The following SMG6 variants were observed in gnomAD, a reference collection of about 807,000 sequenced individuals.
SMG6 encodes the protein telomerase-binding protein EST1A.
A neutral mutation model predicts 142.2 loss-of-function variants in SMG6; 66 were observed. The observed-to-expected ratio is 0.46, with a 90% CI of 0.38 to 0.57. The LOEUF (loss-of-function observed/expected upper bound fraction) is 0.57. Ranked by LOEUF, SMG6 falls within the 20% of genes least tolerant of loss-of-function variation. The pLI is 0.00. For synonymous variants in SMG6, 779 were observed against 702.4 expected (o/e 1.11, Z -1.72); for missense variants, 1,793 against 1,832.0 (o/e 0.98, Z 0.39).
intron 4 of SMG6, among the ~76,000 whole-genome samples, chr17:2,296,888 G>A (rs923495863): frequency 4.0e-5 from 6 of 151,898 alleles, no homozygotes; most frequent in Non-Finnish European, 7.4e-5. Flanking sequence ...CCAGCTACTC[G>A]GGAGACTGAC....
intron 1 of SMG6, 102 bp downstream of exon 1, chr17:2,303,531 C>CG (rs2075337479): frequency 2.2e-6 from 3 of 1,337,606 alleles, no homozygotes; most frequent in African/African-American, 3.1e-5. Flanking sequence ...GGGGAAGGGG[C>CG]GGGGGCTCCG....
At chr17:2,269,571 C>T (rs969749281) in intron 8 of SMG6, among the ~76,000 whole-genome samples, 2 of 152,048 alleles carry the variant, frequency 1.3e-5, no homozygotes, top group African/African-American at 2.4e-5. Context: ...TGCTCCTTTG[C>T]TAACCAACTT....
At position 2,081,816 on chromosome 17, in the gene SMG6, C is replaced by T; in HGVS notation, c.3675G>A (p.Lys1225=). The T allele has an allele frequency of 6.2e-7, 1 of 1,613,510 alleles. No homozygotes were observed. Among genetic ancestry groups the T allele is most frequent in the Non-Finnish European group, 8.5e-7 (1 of 1,180,040 alleles). ...CTCCCCAGGCCGACTTCACCTGGAT[C>T]TTTTCCTGGCGACGCTGCTGCTCAG... ...KIAEQQRRQE[K]IQAVLEDHSQ... The change falls in exon 15 of 19, where the codon AAG becomes AAA. Residue 1225 remains lysine (K), a synonymous_variant. Transcript: ENST00000263073.
At position 2,072,654 on chromosome 17, in the gene SMG6, A is replaced by G. The variant is rs2068136537; in HGVS notation, c.3682-3723T>C. Among the ~76,000 whole-genome samples the G allele has an allele frequency of 2.6e-5, 4 of 152,180 alleles. No individual in the cohort carries two copies. The South Asian group carries it at 8.3e-4, about 32-fold the overall frequency. On this transcript the variant is annotated intron_variant, in intron 15 of 18. Coordinates refer to ENST00000263073, the MANE Select transcript of SMG6 (RefSeq NM_017575.5). ...GAACATTACAAGTAACAGCAATTCA[A>G]TGAGCTGACACAGGAGGTGTGGCAC...
intron 10 of SMG6, chr17:2,229,438 G>T (rs1276928706): frequency 1.3e-5 from 2 of 152,234 alleles, no homozygotes; most frequent in East Asian, 3.8e-4. Context: ...GCTGCCCAGA[G>T]AAGCTTTTTC....
rs759609862 is a variant in SMG6 at position 2,297,357 on chromosome 17, T to C, written c.2041-4A>G. The C allele has an allele frequency of 1.3e-6, 2 of 1,591,884 alleles. No homozygotes were observed. Among genetic ancestry groups the C allele is most frequent in the Admixed American group, 1.8e-5 (1 of 54,540 alleles). ...AACTATCAAAGAAGTCACTACCCTA[T>C]AAAAAGAAAAAAAGAAATGACTGAA... On this transcript the variant is annotated splice_polypyrimidine_tract_variant and splice_region_variant and intron_variant, in intron 3 of 18. Transcript: ENST00000263073.
At chr17:2,148,745 A>G (rs544944286) in intron 13 of SMG6, among the ~76,000 whole-genome samples, 88 of 151,844 alleles carry the variant, frequency 5.8e-4, no homozygotes, top group Non-Finnish European at 1.1e-3. Context: ...TGTAATCCCA[A>G]CTACTTAGAA....
intron 13 of SMG6, among the ~76,000 whole-genome samples, chr17:2,170,102 G>A (rs779448574): frequency 2.0e-5 from 3 of 152,138 alleles, no homozygotes; most frequent in Non-Finnish European, 4.4e-5. Context: ...CCAGGTTGGC[G>A]GGCAGCGGGT....
intron 13 of SMG6, chr17:2,086,927 C>A (rs1317663629): frequency 1.8e-6 from 2 of 1,112,798 alleles, no homozygotes; most frequent in Admixed American, 2.8e-5. Flanking sequence ...GGGAAACACA[C>A]GTCCGTGGCC....
intron 15 of SMG6, among the ~76,000 whole-genome samples, chr17:2,077,390 G>C (rs1026339404): frequency 2.6e-5 from 4 of 152,190 alleles, no homozygotes; most frequent in South Asian, 4.1e-4. Context: ...GACCAGGGGG[G>C]GCTTCACTGG....
chr17:2,242,915 G>C (rs2073845493), intron 9 of SMG6, among the ~76,000 whole-genome samples: 1 of 152,014 alleles, frequency 6.6e-6, no homozygotes, highest in Non-Finnish European at 1.5e-5. Context: ...ATATTTCTCT[G>C]CAGTGCTTAG....
At chr17:2,153,330 A>G (rs951153980) in intron 13 of SMG6, among the ~76,000 whole-genome samples, 9 of 152,202 alleles carry the variant, frequency 5.9e-5, no homozygotes, top group African/African-American at 2.2e-4. Context: ...AAGCTAAGTT[A>G]CAGAGACAGA....
intron 6 of SMG6, among the ~76,000 whole-genome samples, chr17:2,287,708 A>AT (rs1416020180): frequency 9.2e-5 from 14 of 152,226 alleles, no homozygotes; most frequent in Admixed American, 6.5e-4. Flanking sequence ...AATGAAATGT[A>AT]ATTCACCCTC....
rs1232049410 is a variant in SMG6 at position 2,136,297 on chromosome 17, C to T, written c.3357+36361G>A. Among the ~76,000 whole-genome samples the T allele has an allele frequency of 2.0e-5, 3 of 151,874 alleles. No homozygotes were observed. The South Asian group carries it at 6.2e-4, about 32-fold the overall frequency. The stretch of plus-strand genomic sequence containing the variant: ...GCTGGTCTCGAACTCCTGACCTCAG[C>T]CTCCCAAAGTGCTGGGATTACAGGC... On this transcript the variant is annotated intron_variant, in intron 13 of 18. Transcript: ENST00000263073.
chr17:2,287,870 G>A (rs2074941816), intron 6 of SMG6, among the ~76,000 whole-genome samples: 1 of 152,188 alleles, frequency 6.6e-6, no homozygotes, highest in Non-Finnish European at 1.5e-5. Context: ...ACAGAAAGCA[G>A]AAGGTTAGTT....
intron 13 of SMG6, among the ~76,000 whole-genome samples, chr17:2,108,428 C>T (rs1358186289): frequency 6.6e-6 from 1 of 152,144 alleles, no homozygotes; most frequent in Non-Finnish European, 1.5e-5. Flanking sequence ...ACCAGCCTGG[C>T]CAACATAGTG....
At chr17:2,303,385 C>A in intron 1 of SMG6, 1 of 1,237,156 alleles carries the variant, frequency 8.1e-7, no homozygotes, top group Non-Finnish European at 1.0e-6. Context: ...ACCTTCGCGG[C>A]GAGAAAGAGG....
At chr17:2,169,025 C>A (rs966023306) in intron 13 of SMG6, among the ~76,000 whole-genome samples, 1 of 151,674 alleles carries the variant, frequency 6.6e-6, no homozygotes, top group African/African-American at 2.4e-5. Flanking sequence ...GGATTACAGG[C>A]ATGAGCCACC....
intron 13 of SMG6, among the ~76,000 whole-genome samples, chr17:2,170,725 G>T (rs545237671): frequency 1.3e-5 from 2 of 152,296 alleles, no homozygotes; most frequent in South Asian, 2.1e-4. Flanking sequence ...CATCCAAAGA[G>T]TATGAGTTTT....
Sources: gnomAD v4.1 joint callset for allele counts (sites outside exome capture counted in the v4.1 genomes callset) on GRCh38, gnomAD v4.1.1 for gene constraint, MANE v1.5 for transcripts, NCBI Gene and HGNC (gene_info 2026-07-23, HGNC 2026-07-21) for gene names.